The following NTM variants were observed in gnomAD, a reference collection of about 807,000 sequenced individuals.
The protein encoded by NTM is neurotrimin.
A neutral mutation model predicts 42.1 loss-of-function variants in NTM; 13 were observed. That is an observed-to-expected ratio of 0.31 (90% confidence interval 0.20 to 0.49). The LOEUF (loss-of-function observed/expected upper bound fraction) is 0.49, where lower values mean the gene tolerates loss of function less well. NTM is among the 20% of genes least tolerant of loss of function. The pLI is 0.99. For synonymous variants in NTM, 187 were observed against 179.2 expected (o/e 1.04, Z -0.35); for missense variants, 373 against 452.8 (o/e 0.82, Z 1.60).
chr11:131,753,624 C>T (rs1472333639), intron 1 of NTM, among the ~76,000 whole-genome samples: 2 of 148,196 alleles, frequency 1.3e-5, no homozygotes, highest in Admixed American at 6.6e-5. Flanking sequence ...TCATCATTCT[C>T]AGTAAACTAT....
At chr11:131,544,798 C>A (rs916802427) in intron 1 of NTM, among the ~76,000 whole-genome samples, 1 of 152,156 alleles carries the variant, frequency 6.6e-6, no homozygotes, top group Non-Finnish European at 1.5e-5. Context: ...CTCCTGGGGG[C>A]GCCGCTTGCT....
chr11:132,266,219 G>T (rs2093174745), intron 4 of NTM, among the ~76,000 whole-genome samples: 1 of 152,130 alleles, frequency 6.6e-6, no homozygotes, highest in African/African-American at 2.4e-5. Context: ...ACTCCTGGTT[G>T]AAGCCTACAG....
At chr11:132,149,411 A>T (rs2071361546) in intron 3 of NTM, among the ~76,000 whole-genome samples, 1 of 133,536 alleles carries the variant, frequency 7.5e-6, no homozygotes, top group Non-Finnish European at 1.6e-5. Context: ...TGATCCTTTA[A>T]AAAAAGAAAT....
chr11:132,285,546 C>A (rs545812127), intron 4 of NTM, among the ~76,000 whole-genome samples: 26 of 152,254 alleles, frequency 1.7e-4, no homozygotes, highest in Non-Finnish European at 2.6e-4. Context: ...TCAGGAGCAC[C>A]CAGATTGGGG....
intron 1 of NTM, among the ~76,000 whole-genome samples, chr11:131,819,555 G>A (rs1465937683): frequency 1.3e-5 from 2 of 152,132 alleles, no homozygotes; most frequent in East Asian, 3.9e-4. Flanking sequence ...CACATCCTGT[G>A]TCAGGAAAAT....
intron 1 of NTM, among the ~76,000 whole-genome samples, chr11:131,640,538 C>G (rs1420421402): frequency 6.6e-6 from 1 of 152,092 alleles, no homozygotes; most frequent in African/African-American, 2.4e-5. Context: ...CTGGCTCTAC[C>G]CTACTGCTTA....
Position 131,638,482 on chromosome 11 carries a change from C to G in NTM, c.82+267594C>G, listed in dbSNP as rs919416732. Among the ~76,000 whole-genome samples the G allele has an allele frequency of 2.7e-5, 4 of 150,760 alleles. No individual in the cohort carries two copies. In the East Asian group the frequency reaches 7.8e-4, roughly 30 times the overall value. On this transcript the variant is annotated intron_variant, in intron 1 of 8. Coordinates refer to ENST00000683400, the MANE Select transcript of NTM (RefSeq NM_001352005.2). ...TGGGGAGGTTGAGGCAGCAGAATCGCCTGAACCCAGGAGGCGGAGGTTGTG... is the reference window on the plus strand; with the variant it reads ...TGGGGAGGTTGAGGCAGCAGAATCGGCTGAACCCAGGAGGCGGAGGTTGTG...
chr11:132,135,444 C>T lies in NTM; in HGVS notation c.168-10838C>T, dbSNP rs113742597. On this transcript the variant is annotated intron_variant, in intron 2 of 8. Coordinates refer to ENST00000683400, the MANE Select transcript of NTM (RefSeq NM_001352005.2). ...TTCTCTAGAGGCAGATTCTGGGATA[C>T]GGATTTGTGTGGTCATGACTTATTA... 3.7e-3 allele frequency among the ~76,000 whole-genome samples: 562 copies of T among 152,258 alleles called. 8 individuals carry two copies. The highest frequency in any genetic ancestry group is 0.013 in the African/African-American group (542 of 41,548).
At chr11:131,795,332 T>C in intron 1 of NTM, 1 of 946,628 alleles carries the variant, frequency 1.1e-6, no homozygotes, top group Non-Finnish European at 1.3e-6. Flanking sequence ...TCCTAATATA[T>C]GCTTAATAAG....
At chr11:131,894,212 G>C (rs1315546838) in intron 1 of NTM, among the ~76,000 whole-genome samples, 1 of 152,308 alleles carries the variant, frequency 6.6e-6, no homozygotes, top group South Asian at 2.1e-4. Flanking sequence ...CCACATGCTT[G>C]CCTAATTAGG....
chr11:131,737,699 C>A (rs1183697498), intron 1 of NTM, among the ~76,000 whole-genome samples: 2 of 152,062 alleles, frequency 1.3e-5, no homozygotes, highest in African/African-American at 4.8e-5. Context: ...TCTCGCCTAA[C>A]CTTGCCTCTG....
At chr11:132,117,991 G>A (rs778147385) in intron 2 of NTM, among the ~76,000 whole-genome samples, 6 of 152,260 alleles carry the variant, frequency 3.9e-5, no homozygotes, top group African/African-American at 9.6e-5. Context: ...CAATGACTCC[G>A]CGCTAACTTG....
intron 1 of NTM, among the ~76,000 whole-genome samples, chr11:131,689,084 A>C (rs1288667930): frequency 6.6e-6 from 1 of 152,224 alleles, no homozygotes; most frequent in Non-Finnish European, 1.5e-5. Flanking sequence ...TGTTAAGGAA[A>C]ATCCCCGCAG....
intron 1 of NTM, among the ~76,000 whole-genome samples, chr11:131,464,225 T>G (rs149462933): frequency 6.6e-6 from 1 of 151,982 alleles, no homozygotes; most frequent in African/African-American, 2.4e-5. Context: ...CCAAGCACCA[T>G]ATGGAAACTT....
chr11:131,791,530 A>C (rs1468419819), intron 1 of NTM, among the ~76,000 whole-genome samples: 3 of 152,230 alleles, frequency 2.0e-5, no homozygotes, highest in Admixed American at 2.0e-4. Context: ...GTCAAGCAAC[A>C]TAACATCACT....
chr11:131,749,692 A>G (rs1248284784), intron 1 of NTM, among the ~76,000 whole-genome samples: 1 of 152,108 alleles, frequency 6.6e-6, no homozygotes, highest in South Asian at 2.1e-4. Flanking sequence ...TCTGCCTTCC[A>G]GGTTCAAGAG....
intron 1 of NTM, among the ~76,000 whole-genome samples, chr11:131,651,329 A>G (rs564523943): frequency 6.6e-6 from 1 of 152,372 alleles, no homozygotes; most frequent in African/African-American, 2.4e-5. Flanking sequence ...AACAAGTTGA[A>G]TAAATACCAA....
intron 1 of NTM, among the ~76,000 whole-genome samples, chr11:131,860,149 A>G (rs2046482969): frequency 1.3e-5 from 2 of 152,172 alleles, no homozygotes; most frequent in South Asian, 4.1e-4. Flanking sequence ...GAGGTTTAGA[A>G]TTGAGGGAAG....
chr11:131,939,651 T>C (rs549339199), intron 2 of NTM, among the ~76,000 whole-genome samples: 10 of 152,290 alleles, frequency 6.6e-5, no homozygotes, highest in African/African-American at 2.4e-4. Context: ...GTTGCTTGTT[T>C]TGTAAATCTT....
Sources: allele counts gnomAD v4.1 joint callset (sites outside exome capture counted in the v4.1 genomes callset), GRCh38; gene constraint gnomAD v4.1.1; transcripts MANE v1.5; gene names NCBI Gene and HGNC (gene_info 2026-07-23, HGNC 2026-07-21).